Variants in PLEKHA4 observed in about 807,000 individuals in gnomAD.
PLEKHA4 encodes pleckstrin homology domain-containing family A member 4.
A neutral mutation model predicts 94.7 loss-of-function variants in PLEKHA4; 73 were observed. That is an observed-to-expected ratio of 0.77 (90% confidence interval 0.64 to 0.94). PLEKHA4 has a LOEUF of 0.94. Among genes scored for constraint, PLEKHA4 ranks in the 40% least tolerant of loss-of-function variants. The probability of loss-of-function intolerance (pLI) is 0.00; values close to 1 mark genes in which losing one functional copy is unlikely to be tolerated. For missense variants in PLEKHA4, 1,049 were observed against 1,054.1 expected, an observed-to-expected ratio of 1.00 and a Z score of 0.07; for synonymous variants, 449 against 437.1, an observed-to-expected ratio of 1.03 and a Z score of -0.34.
At chr19:48,864,032 C>T (rs567405632) in intron 3 of PLEKHA4, among the ~76,000 whole-genome samples, 85 of 152,272 alleles carry the variant, frequency 5.6e-4, no homozygotes, top group South Asian at 2.9e-3. Flanking sequence ...CCCCAGATGA[C>T]GCTGATGCTG....
At position 48,861,711 on chromosome 19, in the gene PLEKHA4, G is replaced by A; in HGVS notation, c.193-19C>T. The stretch of plus-strand genomic sequence containing the variant: ...AGCTGTCCTGGGGAGAGAGATGGGA[G>A]GAGGGGCCTGAGTAAAGGGAAACAG... On this transcript the variant is annotated intron_variant, in intron 3 of 19. Transcript: ENST00000263265. 6.2e-7 allele frequency: 1 copy of A among 1,605,002 alleles called. No individual in the cohort carries two copies. The highest frequency in any genetic ancestry group is 8.5e-7 in the Non-Finnish European group (1 of 1,171,814).
intron 12 of PLEKHA4, 91 bp from the exon 13 acceptor site, chr19:48,852,417 A>G: frequency 9.7e-7 from 1 of 1,033,420 alleles, no homozygotes; most frequent in Admixed American, 2.0e-5. Flanking sequence ...GGAGGAGATA[A>G]GGGAGTTTGG....
At chr19:48,858,658 A>G (rs1478768624) in intron 8 of PLEKHA4, among the ~76,000 whole-genome samples, 3 of 149,368 alleles carry the variant, frequency 2.0e-5, no homozygotes, top group Non-Finnish European at 4.5e-5. Context: ...ATGGCCGAAG[A>G]CCAGCCTAGA....
At position 48,859,126 on chromosome 19, in the gene PLEKHA4, G is replaced by T. The variant is rs1204330940; in HGVS notation, c.706C>A (p.Leu236Ile). ...RARSPDLFTP[L>I]SRPPSPLSLP... is the part of the protein sequence containing the mutation. ...CTCAGAGGCGAGGGAGGGCGAGAGA[G>T]GGGGGTGAACAGGCTGTGGGAAGGA... Residue 236 changes from leucine (L) to isoleucine (I), a missense_variant, in exon 8 of 20, where the codon CTC (leucine) becomes ATC (isoleucine). Coordinates refer to ENST00000263265, the MANE Select transcript of PLEKHA4 (RefSeq NM_020904.3). 14 of 1,515,324 alleles carry T rather than the reference G, an allele frequency of 9.2e-6. No homozygotes were observed. Among genetic ancestry groups the T allele is most frequent in the Non-Finnish European group, 1.1e-5 (12 of 1,136,580 alleles). 93.9% of individuals were successfully genotyped at this position (1,515,324 alleles called of 1,614,324 possible).
Position 48,857,468 on chromosome 19 carries a change from T to C in PLEKHA4, c.1001A>G (p.Gln334Arg), listed in dbSNP as rs754222141. 4 of 1,562,582 alleles carry C rather than the reference T, an allele frequency of 2.6e-6. No homozygotes were observed. Among genetic ancestry groups the C allele is most frequent in the Non-Finnish European group, 3.5e-6 (4 of 1,157,272 alleles). ...GGTCCCAGGGGGCCGCGGGGGGAGC[T>C]GGAGATAAGTGGGGGAGCCAGAGTG... ...QAHSGSPTYL[Q>R]LPPRPPGTRA... Residue 334 changes from glutamine (Q) to arginine (R), a missense_variant, in exon 9 of 20, where the codon CAG becomes CGG. Gln to Arg is a conservative substitution (Grantham distance 43, BLOSUM62 1). Transcript: ENST00000263265.
At chr19:48,852,130 G>C in intron 13 of PLEKHA4, 98 bp downstream of exon 13, 1 of 904,858 alleles carries the variant, frequency 1.1e-6, no homozygotes, top group African/African-American at 1.6e-5. Context: ...CAACTGGGCG[G>C]GGCCTCGATT....
chr19:48,856,955 GAAAGAAAGAA>G (rs2036445161), intron 9 of PLEKHA4, among the ~76,000 whole-genome samples: 1 of 146,906 alleles, frequency 6.8e-6, no homozygotes, highest in African/African-American at 2.6e-5. Flanking sequence ...GAAAGAGAAA[GAAAGAAAGAA>G]AGAGGTTTTT....
chr19:48,856,549 C>T (rs1196705486), intron 9 of PLEKHA4, among the ~76,000 whole-genome samples: 1 of 152,014 alleles, frequency 6.6e-6, no homozygotes, highest in Non-Finnish European at 1.5e-5. Context: ...GAAACCCCGT[C>T]TCTACTAAAA....
Position 48,837,509 on chromosome 19 carries a change from G to T in PLEKHA4, c.2120C>A (p.Pro707Gln). The change falls in exon 20 of 20, where the codon CCG (proline) becomes CAG (glutamine). Residue 707 changes from proline (P) to glutamine (Q), a missense_variant. Transcript: ENST00000263265. The surrounding 1 kb of genome is among the most constrained non-coding windows in gnomAD (Gnocchi z 4.3). ...GCGCGTGGGGTCCGAAGGAGGCAGC[G>T]GCACACCGGGAAGAGGGTCTCCCTG... Reference protein sequence around the residue: ...DSQGDPLPGVPLPPSDPTRQE... With the variant: ...DSQGDPLPGVQLPPSDPTRQE... 1 of 1,613,094 alleles carries T rather than the reference G, an allele frequency of 6.2e-7. No individual in the cohort carries two copies. Among genetic ancestry groups the T allele is most frequent in the Non-Finnish European group, 8.5e-7 (1 of 1,179,598 alleles).
At chr19:48,859,222 AC>A in intron 7 of PLEKHA4, 83 bp from the exon 8 acceptor site, 1 of 1,113,930 alleles carries the variant, frequency 9.0e-7, no homozygotes, top group Non-Finnish European at 1.3e-6. Flanking sequence ...AGCCTCAAGG[AC>A]ATGTCTCACT....
At chr19:48,839,153 C>T (rs59513694) in intron 18 of PLEKHA4, 52 bp downstream of exon 18, 33,362 of 1,441,114 alleles carry the variant, frequency 0.023, 2,015 homozygotes, top group African/African-American at 0.21. Context: ...CTCCCCTTTG[C>T]TTTTGCAAAT....
At position 48,837,154 on chromosome 19, in the gene PLEKHA4, CA is replaced by C. The variant is rs2035555769; in HGVS notation, c.*134del. On this transcript the variant is annotated 3_prime_UTR_variant, in exon 20 of 20. Coordinates refer to ENST00000263265, the MANE Select transcript of PLEKHA4 (RefSeq NM_020904.3). This position sits in a 1 kb window ranked among gnomAD's most constrained non-coding sequence, Gnocchi z 4.3. ...AGTGTTGAGAAAACCAAACTTTGGC[CA>C]TAGAAACCATTCCCCTCCCGGGCCC... 6 of 1,283,952 alleles carry C rather than the reference CA, an allele frequency of 4.7e-6. No individual in the cohort carries two copies. The South Asian group carries it at 7.6e-5, about 16-fold the overall frequency. 79.5% of individuals were successfully genotyped at this position (1,283,952 alleles called of 1,614,324 possible). A position where few individuals can be genotyped will look rare whatever the true frequency, so the allele number is the denominator to read the frequency against.
chr19:48,842,230 C>T (rs879650925), intron 16 of PLEKHA4, among the ~76,000 whole-genome samples: 9 of 150,220 alleles, frequency 6.0e-5, no homozygotes, highest in South Asian at 4.2e-4. Context: ...CTGCAACCTC[C>T]GCCTCCTGGG....
intron 12 of PLEKHA4, among the ~76,000 whole-genome samples, chr19:48,853,181 T>TTCAA (rs1410774699): frequency 6.6e-6 from 1 of 151,620 alleles, no homozygotes; most frequent in African/African-American, 2.4e-5. Context: ...TAAATATTCA[T>TTCAA]TCATTCATTC....
intron 13 of PLEKHA4, among the ~76,000 whole-genome samples, chr19:48,849,174 G>A (rs1273912969): frequency 1.3e-5 from 2 of 152,276 alleles, no homozygotes; most frequent in East Asian, 3.9e-4. Context: ...CTAAAGTGCT[G>A]GGATTACAGG....
rs1271420295 is a variant in PLEKHA4 at position 48,859,119 on chromosome 19, C to T, written c.713G>A (p.Arg238His). The change falls in exon 8 of 20, where the codon CGC (arginine) becomes CAC (histidine). Residue 238 changes from arginine to histidine, a missense_variant. Transcript: ENST00000263265. The stretch of plus-strand genomic sequence containing the variant: ...GGGGAGGCTCAGAGGCGAGGGAGGG[C>T]GAGAGAGGGGGGTGAACAGGCTGTG... ...RSPDLFTPLS[R>H]PPSPLSLPRP... 6 of 1,448,766 alleles carry T rather than the reference C, an allele frequency of 4.1e-6. No homozygotes were observed. The highest frequency in any genetic ancestry group is 2.8e-5 in the South Asian group (2 of 71,976). The allele number at this position is 1,448,766 out of a possible 1,614,324, so 89.7% of individuals were successfully genotyped here. A position where few individuals can be genotyped will look rare whatever the true frequency, so the allele number is the denominator to read the frequency against.
At chr19:48,865,095 G>A (rs770418667) in intron 3 of PLEKHA4, among the ~76,000 whole-genome samples, 36 of 152,244 alleles carry the variant, frequency 2.4e-4, no homozygotes, top group Non-Finnish European at 3.8e-4. Context: ...TGTAATCCCA[G>A]CATTTTAGGG....
intron 13 of PLEKHA4, 117 bp downstream of exon 13, chr19:48,852,111 G>T (rs932665023): frequency 9.3e-6 from 7 of 749,474 alleles, no homozygotes; most frequent in Non-Finnish European, 1.6e-5. Context: ...CAGAAAGGAG[G>T]CTAAGGGTCA....
intron 13 of PLEKHA4, among the ~76,000 whole-genome samples, chr19:48,848,923 A>C (rs2036079172): frequency 6.6e-6 from 1 of 152,158 alleles, no homozygotes; most frequent in African/African-American, 2.4e-5. Flanking sequence ...TTTTGGAGAC[A>C]GTCCCTCCCT....
Sources: gnomAD v4.1 joint callset for allele counts (sites outside exome capture counted in the v4.1 genomes callset) on GRCh38, gnomAD v4.1.1 for gene constraint, Gnocchi (gnomAD v3.1) non-coding constraint, MANE v1.5 for transcripts, NCBI Gene and HGNC (gene_info 2026-07-23, HGNC 2026-07-21) for gene names.